Variants in CDC14B observed in about 807,000 individuals in gnomAD.
CDC14B encodes dual specificity protein phosphatase CDC14B.
A neutral mutation model predicts 64.2 loss-of-function variants in CDC14B; 22 were observed. The observed-to-expected ratio is 0.34, with a 90% CI of 0.24 to 0.49. The LOEUF is 0.49. Ranked by LOEUF, CDC14B falls within the 20% of genes least tolerant of loss-of-function variation. The pLI is 0.99. For missense variants in CDC14B, 498 were observed against 629.9 expected, an observed-to-expected ratio of 0.79 and a Z score of 2.24; for synonymous variants, 191 against 215.8, an observed-to-expected ratio of 0.89 and a Z score of 1.01.
chr9:96,495,814 C>A (rs1282995183), downstream of CDC14B, among the ~76,000 whole-genome samples: 1 of 152,102 alleles, frequency 6.6e-6, no homozygotes, highest in East Asian at 1.9e-4. Flanking sequence ...CAGGGTGAGG[C>A]TGCGTGGGTG....
chr9:96,561,932 G>A (rs554649319), intron 4 of CDC14B, among the ~76,000 whole-genome samples: 26 of 152,182 alleles, frequency 1.7e-4, no homozygotes, highest in Non-Finnish European at 3.7e-4. Flanking sequence ...GTACTCTGGA[G>A]GAGCTCTAAG....
At chr9:96,581,926 G>C (rs1186352382) in intron 1 of CDC14B, among the ~76,000 whole-genome samples, 1 of 152,184 alleles carries the variant, frequency 6.6e-6, no homozygotes, top group Non-Finnish European at 1.5e-5. Flanking sequence ...ACTCCAGCTA[G>C]TTGCCTTTCA....
At chr9:96,505,268 C>T (rs1289179620) in intron 13 of CDC14B, among the ~76,000 whole-genome samples, 1 of 151,826 alleles carries the variant, frequency 6.6e-6, no homozygotes, top group Non-Finnish European at 1.5e-5. Context: ...AGGTACAAAG[C>T]ACTCCAGAGC....
downstream of CDC14B, among the ~76,000 whole-genome samples, chr9:96,498,023 C>G (rs1833324734): frequency 6.6e-6 from 1 of 152,172 alleles, no homozygotes; most frequent in African/African-American, 2.4e-5. Context: ...AAGGAAATAG[C>G]CAGCACCGCC....
In CDC14B at chr9:96,503,799, G is replaced by GA. The variant is rs749899272; in HGVS notation, c.1461-11dup. 23 of 1,605,386 alleles carry GA rather than the reference G, an allele frequency of 1.4e-5. No individual in the cohort carries two copies. Among genetic ancestry groups the GA allele is most frequent in the African/African-American group, 5.4e-5 (4 of 74,290 alleles). On this transcript the variant is annotated splice_polypyrimidine_tract_variant and intron_variant, in intron 13 of 13. Transcript: ENST00000375241. Reference sequence around the variant, plus strand: ...CCTTGAAATGGAGAGACTACAGGGGGAAAAAAAAGGATTTTTACCAGAAAG... The same window carrying GA: ...CCTTGAAATGGAGAGACTACAGGGGGAAAAAAAAAGGATTTTTACCAGAAAG...
rs548092068 is a variant in CDC14B, at chr9:96,515,596, C to T, written c.1344-5807G>A. On this transcript the variant is annotated intron_variant, in intron 12 of 13. Transcript: ENST00000375241. This position sits in a 1 kb window ranked among gnomAD's most constrained non-coding sequence, Gnocchi z 4.3. ...GGAGAAAAACATGCATTGTGGGAAC[C>T]ACACTAGGCACCAGAAGTAAGCAAC... The T allele has an allele frequency of 5.5e-6, 8 of 1,457,644 alleles. No individual in the cohort carries two copies. In the East Asian group the frequency reaches 2.1e-4, roughly 39 times the overall value. The allele number at this position is 1,457,644 out of a possible 1,614,324, so 90.3% of individuals were successfully genotyped here. A position where few individuals can be genotyped will look rare whatever the true frequency, so the allele number is the denominator to read the frequency against.
Position 96,515,883 on chromosome 9 carries a change from T to C in CDC14B, c.1344-6094A>G. On this transcript the variant is annotated intron_variant, in intron 12 of 13. Transcript: ENST00000375241. This position sits in a 1 kb window ranked among gnomAD's most constrained non-coding sequence, Gnocchi z 4.3. ...ATCAATCAATCAAGCCATATGTGAA[T>C]TTTAGACACCCTAAAAGCCCAGCCA... 8.0e-7 allele frequency: 1 copy of C among 1,255,554 alleles called. No individual in the cohort carries two copies. Among genetic ancestry groups the C allele is most frequent in the Non-Finnish European group, 1.1e-6 (1 of 921,616 alleles). 77.8% of individuals were successfully genotyped at this position (1,255,554 alleles called of 1,614,324 possible).
At chr9:96,601,526 G>C (rs1211803625) in intron 1 of CDC14B, among the ~76,000 whole-genome samples, 1 of 149,150 alleles carries the variant, frequency 6.7e-6, no homozygotes, top group Non-Finnish European at 1.5e-5. Flanking sequence ...GGCCGGGCGT[G>C]GCACACCTGT....
chr9:96,533,823 G>C (rs1394796423), intron 9 of CDC14B, 104 bp downstream of exon 9: 1 of 640,422 alleles, frequency 1.6e-6, no homozygotes, highest in Non-Finnish European at 2.5e-6. Flanking sequence ...TAAAAATAAA[G>C]GCAGTTTCAT....
downstream of CDC14B, chr9:96,500,066 C>T (rs1052300644): frequency 2.6e-5 from 4 of 152,624 alleles, no homozygotes; most frequent in African/African-American, 4.8e-5. Flanking sequence ...CCACTGCCTA[C>T]CAGAATTCAA....
chr9:96,504,553 C>G (rs770075362), intron 13 of CDC14B, among the ~76,000 whole-genome samples: 1 of 152,186 alleles, frequency 6.6e-6, no homozygotes, highest in Non-Finnish European at 1.5e-5. Flanking sequence ...AGATCCAGAC[C>G]AGCTAGTGAG....
intron 3 of CDC14B, 144 bp from the exon 4 acceptor site, chr9:96,562,929 C>T: frequency 1.6e-6 from 1 of 624,752 alleles, no homozygotes; most frequent in Non-Finnish European, 2.9e-6. Flanking sequence ...TTGATACCCA[C>T]AAATACCATA....
At chr9:96,558,169 G>A (rs185382856) in intron 4 of CDC14B, among the ~76,000 whole-genome samples, 29 of 152,332 alleles carry the variant, frequency 1.9e-4, no homozygotes, top group Admixed American at 8.5e-4. Context: ...TGGTCAGGGG[G>A]AGTGAAGAGA....
intron 11 of CDC14B, among the ~76,000 whole-genome samples, 189 bp from the exon 12 acceptor site, chr9:96,522,792 C>A (rs1478563362): frequency 6.6e-6 from 1 of 152,162 alleles, no homozygotes; most frequent in Non-Finnish European, 1.5e-5. Flanking sequence ...GACAACACAG[C>A]AGCACTCTTG....
intron 9 of CDC14B, among the ~76,000 whole-genome samples, chr9:96,524,129 G>C (rs530824167): frequency 6.6e-6 from 1 of 152,290 alleles, no homozygotes; most frequent in South Asian, 2.1e-4. Flanking sequence ...GTAGAGACGG[G>C]GCTTCACCAT....
chr9:96,533,216 G>A (rs922800760), intron 9 of CDC14B, among the ~76,000 whole-genome samples: 4 of 152,154 alleles, frequency 2.6e-5, no homozygotes, highest in African/African-American at 7.2e-5. Flanking sequence ...CGATCCGCCC[G>A]CCATGGCCTC....
chr9:96,563,380 C>T (rs564725968), intron 3 of CDC14B, among the ~76,000 whole-genome samples: 2 of 152,216 alleles, frequency 1.3e-5, no homozygotes, highest in South Asian at 2.1e-4. Flanking sequence ...CTGGTGGGTG[C>T]GGTGGCTCAC....
At chr9:96,551,669 C>A in intron 5 of CDC14B, 127 bp downstream of exon 5, 2 of 1,308,282 alleles carry the variant, frequency 1.5e-6, no homozygotes, top group Non-Finnish European at 2.1e-6. Flanking sequence ...AAACCCAGAT[C>A]TGTGGTGTTA....
intron 1 of CDC14B, among the ~76,000 whole-genome samples, chr9:96,589,338 T>TA (rs11292688): frequency 3.2e-4 from 47 of 148,028 alleles, no homozygotes; most frequent in South Asian, 1.1e-3. Context: ...GACTCCGTCT[T>TA]AAAAAAAAAA....
Sources: gnomAD v4.1 joint callset for allele counts (sites outside exome capture counted in the v4.1 genomes callset) on GRCh38, gnomAD v4.1.1 for gene constraint, Gnocchi (gnomAD v3.1) non-coding constraint, MANE v1.5 for transcripts, NCBI Gene and HGNC (gene_info 2026-07-23, HGNC 2026-07-21) for gene names.